The following TBL1X variants were observed in gnomAD, a reference collection of about 807,000 sequenced individuals.
TBL1X encodes transducin beta like 1 X-linked.
TBL1X carries 10 observed loss-of-function variants against 50.7 expected under a neutral mutation model. That is an observed-to-expected ratio of 0.20 (90% confidence interval 0.12 to 0.33). TBL1X has a LOEUF of 0.33. TBL1X is among the 10% of genes least tolerant of loss of function. The pLI is 1.00. For missense variants in TBL1X, 340 were observed against 504.4 expected (o/e 0.67, Z 3.12); for synonymous variants, 190 against 214.7 (o/e 0.88, Z 1.01).
chrX:9,637,242 G>C (rs867686144), intron 2 of TBL1X: 1 of 111,302 alleles, frequency 9.0e-6, no homozygotes, highest in African/African-American at 3.3e-5. Flanking sequence ...TGAAATTTTC[G>C]TGCTTCCCCC....
At chrX:9,594,163 T>C (rs1237116072) in intron 2 of TBL1X, among the ~76,000 whole-genome samples, 2 of 112,719 alleles carry the variant, frequency 1.8e-5, no homozygotes, top group Non-Finnish European at 3.7e-5. Context: ...GCGTCACACA[T>C]AGAGTGGCTG....
intron 2 of TBL1X, among the ~76,000 whole-genome samples, chrX:9,593,560 C>T (rs1016714249): frequency 2.7e-5 from 3 of 110,613 alleles, no homozygotes; most frequent in African/African-American, 9.9e-5. Context: ...GGGATGAGGT[C>T]TAGGGCCAGG....
chrX:9,467,884 C>G (rs2081786821), intron 1 of TBL1X, among the ~76,000 whole-genome samples: 1 of 112,141 alleles, frequency 8.9e-6, no homozygotes, highest in East Asian at 2.8e-4. Context: ...AGAGACGTTT[C>G]AGATCTCCAG....
At chrX:9,622,291 C>T (rs1471573953) in intron 2 of TBL1X, among the ~76,000 whole-genome samples, 1 of 110,580 alleles carries the variant, frequency 9.0e-6, no homozygotes, top group African/African-American at 3.3e-5. Context: ...TTCTCCATCC[C>T]CCATCTCCAC....
intron 2 of TBL1X, among the ~76,000 whole-genome samples, chrX:9,610,227 G>T (rs770517355): frequency 8.9e-6 from 1 of 112,767 alleles, no homozygotes; most frequent in East Asian, 2.8e-4. Context: ...ACGTGTTGGG[G>T]TGTTACAAGA....
At chrX:9,534,751 A>C (rs1472208201) in intron 2 of TBL1X, 1 of 111,218 alleles carries the variant, frequency 9.0e-6, no homozygotes, top group South Asian at 3.8e-4. Context: ...TGGTTAAAAA[A>C]AGTCCCACAT....
chrX:9,591,650 C>T (rs1056227600), intron 2 of TBL1X, among the ~76,000 whole-genome samples: 9 of 111,597 alleles, frequency 8.1e-5, no homozygotes, highest in Non-Finnish European at 1.3e-4. Flanking sequence ...ACCCCTTCTA[C>T]GGAGTGTGAG....
At position 9,719,518 on chromosome X, in the gene TBL1X, CTG is replaced by C. The variant is rs1309936728; in HGVS notation, c.*3276_*3277del. ...TTCTGGCTTGTGCAGTTTTTATTGT[CTG>C]TGTCAGACGTACAGCCAGACATGTT... On this transcript the variant is annotated 3_prime_UTR_variant, in exon 18 of 18. Coordinates refer to ENST00000645353, the MANE Select transcript of TBL1X (RefSeq NM_005647.4). 9.0e-6 allele frequency: 1 copy of C among 111,342 alleles called. No individual in the cohort carries two copies. Among genetic ancestry groups the C allele is most frequent in the Non-Finnish European group, 1.9e-5 (1 of 53,044 alleles). 9.2% of individuals were successfully genotyped at this position (111,342 alleles called of 1,213,427 possible).
intron 1 of TBL1X, among the ~76,000 whole-genome samples, chrX:9,472,015 C>T (rs987302663): frequency 4.5e-5 from 5 of 111,158 alleles, no homozygotes; most frequent in Non-Finnish European, 9.4e-5. Context: ...ACGCTGAAAC[C>T]TTCCTTCGGG....
At position 9,559,539 on chromosome X, in the gene TBL1X, A is replaced by G. The variant is rs922092025; in HGVS notation, c.-131+57690A>G. 2.7e-5 allele frequency among the ~76,000 whole-genome samples: 3 copies of G among 112,146 alleles called. No homozygotes were observed. In the East Asian group the frequency reaches 8.4e-4, roughly 31 times the overall value. ...CAAAAGCAGCTGGTGCTTAGGCCCT[A>G]GGTAGAGCTTTAAGATAAAGTTCTT... is the stretch of plus-strand genomic sequence containing the variant. On this transcript the variant is annotated intron_variant, in intron 2 of 17. Transcript: ENST00000645353.
intron 4 of TBL1X, 25 bp from the exon 5 acceptor site, chrX:9,654,190 A>C: frequency 8.4e-7 from 1 of 1,188,468 alleles, no homozygotes; most frequent in Non-Finnish European, 1.1e-6. Context: ...GCAGTGTTTC[A>C]AAACTCTCTT....
chrX:9,622,870 A>C (rs915189958), intron 2 of TBL1X, among the ~76,000 whole-genome samples: 11 of 111,770 alleles, frequency 9.8e-5, no homozygotes, highest in African/African-American at 3.6e-4. Context: ...TTATCCACTC[A>C]TCCGTTCATA....
intron 11 of TBL1X, 89 bp downstream of exon 11, chrX:9,693,508 G>A (rs187235142): frequency 3.9e-4 from 335 of 853,609 alleles, no homozygotes; most frequent in Middle Eastern, 2.5e-3. Flanking sequence ...CTTGGAACTC[G>A]TAGGCTTTGT....
intron 2 of TBL1X, among the ~76,000 whole-genome samples, chrX:9,534,127 A>G (rs775707988): frequency 2.0e-4 from 22 of 111,665 alleles, no homozygotes; most frequent in Non-Finnish European, 4.1e-4. Context: ...GTCTGATCCC[A>G]CTAAAGACTA....
intron 2 of TBL1X, among the ~76,000 whole-genome samples, chrX:9,600,469 C>CGGGGGGGGG (rs1236527927): frequency 4.5e-3 from 51 of 11,301 alleles, no homozygotes; most frequent in African/African-American, 0.018. Flanking sequence ...ATTTGGTGGG[C>CGGGGGGGGG]GGGGGGGGGG....
At chrX:9,689,163 T>C (rs930134235) in intron 7 of TBL1X, among the ~76,000 whole-genome samples, 10 of 113,191 alleles carry the variant, frequency 8.8e-5, no homozygotes, top group Non-Finnish European at 1.9e-4. Context: ...TTCTTCCTTA[T>C]TTGAAAGTTG....
rs12390011 is a variant in TBL1X at position 9,537,418 on chromosome X, G to A, written c.-131+35569G>A. On this transcript the variant is annotated intron_variant, in intron 2 of 17. Transcript: ENST00000645353. Reference sequence around the variant, plus strand: ...CATTACATTGTGCAATCCTCACCACGATCCATCTGCAGAACTTTTTCATCA... The same window carrying A: ...CATTACATTGTGCAATCCTCACCACAATCCATCTGCAGAACTTTTTCATCA... 5.1e-3 allele frequency among the ~76,000 whole-genome samples: 565 copies of A among 110,478 alleles called. 3 individuals are homozygous for A. The highest frequency in any genetic ancestry group is 0.018 in the African/African-American group (539 of 30,295).
intron 7 of TBL1X, 69 bp downstream of exon 7, chrX:9,688,344 G>A (rs750296283): frequency 6.5e-5 from 62 of 952,458 alleles, no homozygotes; most frequent in Middle Eastern, 7.2e-4. Context: ...GGGCAAATCC[G>A]AATGCCTTCT....
At chrX:9,701,629 T>TGAGA (rs1175205987) in intron 12 of TBL1X, among the ~76,000 whole-genome samples, 2 of 106,998 alleles carry the variant, frequency 1.9e-5, no homozygotes, top group Non-Finnish European at 3.9e-5. Flanking sequence ...CTTAATGTTT[T>TGAGA]GAGAGAGTTT....
Sources: gnomAD v4.1 joint callset for allele counts (sites outside exome capture counted in the v4.1 genomes callset) on GRCh38, gnomAD v4.1.1 for gene constraint, MANE v1.5 for transcripts, NCBI Gene and HGNC (gene_info 2026-07-23, HGNC 2026-07-21) for gene names.